Variants in VPS54 observed in about 807,000 individuals in gnomAD.
VPS54 encodes the protein VPS54 subunit of GARP complex.
A neutral mutation model predicts 121.5 loss-of-function variants in VPS54; 45 were observed. The observed-to-expected ratio is 0.37, with a 90% CI of 0.29 to 0.47. The LOEUF (loss-of-function observed/expected upper bound fraction) is 0.47, where lower values mean the gene tolerates loss of function less well. Ranked by LOEUF, VPS54 falls within the 20% of genes least tolerant of loss-of-function variation. The pLI, the probability that VPS54 is intolerant of heterozygous loss-of-function variation, is 0.99. For missense variants in VPS54, 1,090 were observed against 1,131.4 expected, an observed-to-expected ratio of 0.96 and a Z score of 0.52; for synonymous variants, 371 against 385.8, an observed-to-expected ratio of 0.96 and a Z score of 0.45.
intron 20 of VPS54, among the ~76,000 whole-genome samples, chr2:63,911,486 C>G (rs1673147117): frequency 6.6e-6 from 1 of 152,036 alleles, no homozygotes; most frequent in East Asian, 1.9e-4. Context: ...TAATAAGATG[C>G]TATTTATCTA....
At chr2:64,010,004 C>T (rs778538667) in intron 1 of VPS54, among the ~76,000 whole-genome samples, 3 of 151,864 alleles carry the variant, frequency 2.0e-5, no homozygotes, top group Non-Finnish European at 4.4e-5. Context: ...ACCTTGCCTG[C>T]CTAATTTTCG....
chr2:63,976,093 A>C (rs905175485), intron 3 of VPS54, among the ~76,000 whole-genome samples: 1 of 152,158 alleles, frequency 6.6e-6, no homozygotes, highest in Non-Finnish European at 1.5e-5. Flanking sequence ...CTTTTTTTAA[A>C]AATAATGAAT....
intron 9 of VPS54, 35 bp downstream of exon 9, chr2:63,947,348 A>G (rs1254594591): frequency 2.0e-6 from 3 of 1,494,446 alleles, no homozygotes; most frequent in Non-Finnish European, 2.7e-6. Context: ...CAAAGGTTCC[A>G]GACCAAAATA....
chr2:64,000,571 T>C (rs1677824443), intron 1 of VPS54, among the ~76,000 whole-genome samples: 1 of 152,258 alleles, frequency 6.6e-6, no homozygotes, highest in Non-Finnish European at 1.5e-5. Flanking sequence ...GGTGTTGTGA[T>C]TTAAGCTGTA....
intron 21 of VPS54, among the ~76,000 whole-genome samples, chr2:63,898,988 GCT>G (rs959219985): frequency 6.6e-6 from 1 of 152,064 alleles, no homozygotes; most frequent in Non-Finnish European, 1.5e-5. Context: ...CCTCCATTTT[GCT>G]CTTTTTCCTA....
chr2:63,969,070 A>G (rs1038458109), intron 4 of VPS54, 79 bp from the exon 5 acceptor site: 6 of 1,195,208 alleles, frequency 5.0e-6, no homozygotes, highest in African/African-American at 1.6e-5. Flanking sequence ...TGACAGATTC[A>G]GTATTGTACT....
intron 1 of VPS54, among the ~76,000 whole-genome samples, chr2:64,007,314 G>A (rs929574972): frequency 2.6e-5 from 4 of 152,158 alleles, no homozygotes; most frequent in Non-Finnish European, 4.4e-5. Context: ...GGTGGTAGGG[G>A]AGTGACTGGA....
intron 1 of VPS54, among the ~76,000 whole-genome samples, chr2:64,008,024 AAAG>A (rs1161653150): frequency 6.6e-6 from 1 of 152,136 alleles, no homozygotes; most frequent in Non-Finnish European, 1.5e-5. Flanking sequence ...AAAAAAAAAA[AAAG>A]AACAAGAGTT....
chr2:64,001,283 G>C (rs1398844230), intron 1 of VPS54, among the ~76,000 whole-genome samples: 1 of 152,144 alleles, frequency 6.6e-6, no homozygotes, highest in Non-Finnish European at 1.5e-5. Context: ...CTCCCCTCTG[G>C]TCCAGGGCAG....
chr2:63,992,175 A>G (rs1393295180), intron 1 of VPS54, among the ~76,000 whole-genome samples: 1 of 152,162 alleles, frequency 6.6e-6, no homozygotes, highest in Non-Finnish European at 1.5e-5. Flanking sequence ...ACTACTTAAT[A>G]TTGTTTTAAA....
At chr2:64,000,060 C>T (rs1677797837) in intron 1 of VPS54, among the ~76,000 whole-genome samples, 1 of 151,938 alleles carries the variant, frequency 6.6e-6, no homozygotes, top group Non-Finnish European at 1.5e-5. Context: ...CAGGGTTTCA[C>T]CATGTTGGCC....
At chr2:63,903,951 G>A (rs939862418) in intron 20 of VPS54, among the ~76,000 whole-genome samples, 5 of 152,028 alleles carry the variant, frequency 3.3e-5, no homozygotes, top group Non-Finnish European at 7.4e-5. Flanking sequence ...GACAGTAATT[G>A]TCAGACTAAG....
chr2:63,912,469 C>T (rs1673190599), intron 19 of VPS54, 44 bp from the exon 20 acceptor site: 1 of 1,608,668 alleles, frequency 6.2e-7, no homozygotes, highest in Non-Finnish European at 8.5e-7. Context: ...CCCTGGGACA[C>T]ATTTTTAAAA....
At chr2:63,923,038 G>A (rs556837566) in intron 12 of VPS54, among the ~76,000 whole-genome samples, 11 of 152,048 alleles carry the variant, frequency 7.2e-5, no homozygotes, top group Non-Finnish European at 1.3e-4. Context: ...TGGGGCTGGG[G>A]CGCGGTGGCT....
chr2:63,966,275 A>G (rs1675994717), intron 5 of VPS54, among the ~76,000 whole-genome samples: 1 of 152,210 alleles, frequency 6.6e-6, no homozygotes. Flanking sequence ...CAGATATAAT[A>G]CTCATCCTAA....
intron 1 of VPS54, among the ~76,000 whole-genome samples, chr2:63,991,032 G>A (rs571608897): frequency 1.3e-5 from 2 of 152,272 alleles, no homozygotes; most frequent in Non-Finnish European, 2.9e-5. Flanking sequence ...TGCAGGCTCA[G>A]CTAAATCGGA....
intron 6 of VPS54, among the ~76,000 whole-genome samples, chr2:63,964,901 G>C (rs184227733): frequency 2.0e-5 from 3 of 152,092 alleles, no homozygotes; most frequent in Non-Finnish European, 4.4e-5. Flanking sequence ...AAAGAACAGA[G>C]ATCAAATGTC....
intron 4 of VPS54, among the ~76,000 whole-genome samples, chr2:63,970,932 T>TC (rs1676257607): frequency 6.6e-6 from 1 of 151,958 alleles, no homozygotes; most frequent in East Asian, 1.9e-4. Context: ...CATACCTACA[T>TC]CTTCAGCCTA....
intron 7 of VPS54, among the ~76,000 whole-genome samples, chr2:63,960,326 T>G (rs1179190856): frequency 6.6e-6 from 1 of 152,186 alleles, no homozygotes; most frequent in African/African-American, 2.4e-5. Context: ...AAAGTAAGGT[T>G]GAAAACAAAG....
Sources: allele counts gnomAD v4.1 joint callset (sites outside exome capture counted in the v4.1 genomes callset), GRCh38; gene constraint gnomAD v4.1.1; transcripts MANE v1.5; gene names NCBI Gene and HGNC (gene_info 2026-07-23, HGNC 2026-07-21).